SBF2: variants seen among roughly 807,000 people sequenced by gnomAD.
SBF2 encodes the protein SET binding factor 2, also known as myotubularin-related protein 13.
A neutral mutation model predicts 225.2 loss-of-function variants in SBF2; 112 were observed. The observed-to-expected ratio is 0.50, with a 90% CI of 0.43 to 0.58. SBF2 has a LOEUF of 0.58. SBF2 is among the 20% of genes least tolerant of loss of function. SBF2 has a pLI of 0.00. For synonymous variants in SBF2, 763 were observed against 773.3 expected (o/e 0.99, Z 0.22); for missense variants, 1,996 against 2,206.2 (o/e 0.90, Z 1.91).
chr11:9,924,289 G>C (rs1863857393), intron 16 of SBF2, among the ~76,000 whole-genome samples: 1 of 152,086 alleles, frequency 6.6e-6, no homozygotes, highest in South Asian at 2.1e-4. Flanking sequence ...TGAGATATTT[G>C]ACACTTTATT....
chr11:9,983,943 G>A lies in SBF2; in HGVS notation c.1395+5554C>T, dbSNP rs117949399. ...ATCTGAACAACAGCCTTCAGTCCTA[G>A]ACCTTCCCTCTGACAGAGCTTACCC... On this transcript the variant is annotated intron_variant, in intron 13 of 39. Coordinates refer to ENST00000256190, the MANE Select transcript of SBF2 (RefSeq NM_030962.4). 1.1e-3 allele frequency among the ~76,000 whole-genome samples: 164 copies of A among 152,306 alleles called. 2 individuals carry two copies. The East Asian group carries it at 0.03, about 28-fold the overall frequency.
At chr11:10,146,983 G>A (rs754605121) in intron 2 of SBF2, among the ~76,000 whole-genome samples, 1 of 151,378 alleles carries the variant, frequency 6.6e-6, no homozygotes, top group Admixed American at 6.6e-5. Flanking sequence ...CTAATCATTA[G>A]GGAAATGCAA....
At chr11:10,258,063 G>A (rs538642741) in intron 1 of SBF2, among the ~76,000 whole-genome samples, 42 of 143,328 alleles carry the variant, frequency 2.9e-4, no homozygotes, top group Middle Eastern at 3.7e-3. Context: ...ATCTCTAAGA[G>A]GTATAAATAC....
At position 9,963,863 on chromosome 11, in the gene SBF2, C is replaced by T; in HGVS notation, c.1620G>A (p.Val540=). ...GPPVVSIMDK[V]TTVFNSAQRL... is the part of the protein sequence containing the mutation. ...TTTGTGCACTGTTGAAAACTGTCGT[C>T]ACCTTGTCCATTATCGAAACTAGTA... is the stretch of plus-strand genomic sequence containing the variant. The change falls in exon 15 of 40, where the codon GTG becomes GTA. Residue 540 remains valine (V), a synonymous_variant. Coordinates refer to ENST00000256190, the MANE Select transcript of SBF2 (RefSeq NM_030962.4). 6.3e-7 allele frequency: 1 copy of T among 1,598,626 alleles called. No individual in the cohort carries two copies. The highest frequency in any genetic ancestry group is 2.2e-5 in the East Asian group (1 of 44,792).
intron 2 of SBF2, among the ~76,000 whole-genome samples, chr11:10,117,935 T>C (rs1005451079): frequency 1.3e-5 from 2 of 152,192 alleles, no homozygotes; most frequent in Admixed American, 1.3e-4. Flanking sequence ...GAATTCATGA[T>C]AAATGAAAAG....
chr11:10,164,144 T>C (rs1175310636), intron 2 of SBF2, among the ~76,000 whole-genome samples: 2 of 152,200 alleles, frequency 1.3e-5, no homozygotes, highest in East Asian at 3.8e-4. Context: ...CCCACTCATA[T>C]TGTCACCATC....
intron 17 of SBF2, among the ~76,000 whole-genome samples, chr11:9,876,873 G>C (rs1859295449): frequency 6.6e-6 from 1 of 151,832 alleles, no homozygotes; most frequent in African/African-American, 2.4e-5. Flanking sequence ...TGAGTAGCTG[G>C]GATTACAGGC....
chr11:10,118,458 C>G (rs1953271264), intron 2 of SBF2, among the ~76,000 whole-genome samples: 1 of 152,076 alleles, frequency 6.6e-6, no homozygotes, highest in Non-Finnish European at 1.5e-5. Flanking sequence ...TAATATTTAT[C>G]AAATTTTGCC....
At chr11:10,162,837 G>C (rs2135216151) in intron 2 of SBF2, among the ~76,000 whole-genome samples, 1 of 152,204 alleles carries the variant, frequency 6.6e-6, no homozygotes, top group East Asian at 1.9e-4. Context: ...AGAATAACTA[G>C]GAACAGTTCT....
At position 9,829,463 on chromosome 11, in the gene SBF2, A is replaced by G. The variant is rs1443759629; in HGVS notation, c.3686T>C (p.Ile1229Thr). Residue 1229 changes from isoleucine to threonine, a missense_variant, in exon 28 of 40, where the codon ATA becomes ACA. Ile to Thr is a moderately conservative substitution (Grantham distance 89). Coordinates refer to ENST00000256190, the MANE Select transcript of SBF2 (RefSeq NM_030962.4). ...PTSSLESSSS[I>T]EQEKYLQALL... ...GGCTTGCAAGTATTTCTCTTGTTCT[A>G]TGCTACTGGAAGATTCTAAAGAGGA... is the stretch of plus-strand genomic sequence containing the variant. 1.5e-5 allele frequency: 25 copies of G among 1,613,018 alleles called. No individual in the cohort carries two copies. The highest frequency in any genetic ancestry group is 2.0e-5 in the Non-Finnish European group (24 of 1,179,050).
At chr11:9,987,569 A>G (rs1590687869) in intron 13 of SBF2, among the ~76,000 whole-genome samples, 1 of 152,186 alleles carries the variant, frequency 6.6e-6, no homozygotes, top group East Asian at 1.9e-4. Flanking sequence ...AATTCAGCAA[A>G]GTTTCCGGAT....
chr11:10,206,725 G>A (rs1189750747), intron 1 of SBF2, among the ~76,000 whole-genome samples: 1 of 152,076 alleles, frequency 6.6e-6, no homozygotes, highest in Non-Finnish European at 1.5e-5. Flanking sequence ...GGTTTCAATA[G>A]TAGAGTGAAA....
intron 1 of SBF2, among the ~76,000 whole-genome samples, chr11:10,233,597 C>A (rs1958945023): frequency 7.1e-6 from 1 of 141,208 alleles, no homozygotes. Flanking sequence ...TTTTAAACAA[C>A]CTGTGATAAT....
rs1235529052 is a variant in SBF2, at chr11:10,042,872, G to C, written c.251C>G (p.Thr84Ser). The change falls in exon 3 of 40, where the codon ACC becomes AGC. Residue 84 changes from threonine to serine, a missense_variant. Thr to Ser is a moderately conservative substitution (Grantham distance 58). Coordinates refer to ENST00000256190, the MANE Select transcript of SBF2 (RefSeq NM_030962.4). ...AAGATTGATCTCTGCCTCATAGAAG[G>C]TTAGGCATGAGCAGTAATGTCGATC... ...DSDRHYCSCL[T>S]FYEAEINLQG... The C allele has an allele frequency of 6.2e-7, 1 of 1,613,816 alleles. No homozygotes were observed. Among genetic ancestry groups the C allele is most frequent in the Non-Finnish European group, 8.5e-7 (1 of 1,179,866 alleles).
chr11:9,794,717 TG>T (rs1479993217), intron 33 of SBF2, among the ~76,000 whole-genome samples: 1 of 98,708 alleles, frequency 1.0e-5, no homozygotes, highest in Non-Finnish European at 2.1e-5. Flanking sequence ...AGACCAGGCC[TG>T]GGGCAGTTGT....
At chr11:10,077,358 A>T (rs1343049939) in intron 2 of SBF2, among the ~76,000 whole-genome samples, 2 of 152,164 alleles carry the variant, frequency 1.3e-5, no homozygotes, top group Non-Finnish European at 2.9e-5. Context: ...AATCCTAAGC[A>T]AAAAGAACAA....
chr11:10,102,865 A>T (rs2134975689), intron 2 of SBF2, among the ~76,000 whole-genome samples: 1 of 152,336 alleles, frequency 6.6e-6, no homozygotes, highest in South Asian at 2.1e-4. Flanking sequence ...TTATGGTAAA[A>T]CTAATAAAAA....
chr11:10,185,231 T>C (rs1242640678), intron 2 of SBF2, among the ~76,000 whole-genome samples: 2 of 152,302 alleles, frequency 1.3e-5, no homozygotes, highest in East Asian at 3.9e-4. Flanking sequence ...TATAAACATG[T>C]GTATGAATAT....
chr11:9,876,486 G>A (rs183090303), intron 17 of SBF2, among the ~76,000 whole-genome samples: 1 of 152,240 alleles, frequency 6.6e-6, no homozygotes, highest in East Asian at 1.9e-4. Context: ...AACAGGATTA[G>A]TATCCTGAGA....
Sources: gnomAD v4.1 joint callset for allele counts (sites outside exome capture counted in the v4.1 genomes callset) on GRCh38, gnomAD v4.1.1 for gene constraint, MANE v1.5 for transcripts, NCBI Gene and HGNC (gene_info 2026-07-23, HGNC 2026-07-21) for gene names.